The following WASF2 variants were observed in gnomAD, a reference collection of about 807,000 sequenced individuals.
WASF2 encodes the protein WASP family member 2.
In WASF2, 14 loss-of-function variants were observed where a neutral mutation model predicts 45.0. The ratio of observed to expected loss-of-function variants is 0.31; its 90% CI spans 0.21 to 0.49. The LOEUF (loss-of-function observed/expected upper bound fraction) is 0.49, where lower values mean the gene tolerates loss of function less well. Ranked by LOEUF, WASF2 falls within the 20% of genes least tolerant of loss-of-function variation. The pLI is 0.99. For missense variants in WASF2, 439 were observed against 636.1 expected (o/e 0.69, Z 3.33); for synonymous variants, 200 against 236.3 (o/e 0.85, Z 1.41).
At chr1:27,408,443 G>A in intron 8 of WASF2, 97 bp from the exon 9 acceptor site, 1 of 1,489,082 alleles carries the variant, frequency 6.7e-7, no homozygotes, top group South Asian at 1.3e-5. Context: ...ATGGGTAAGT[G>A]GTATTGGAAA....
At chr1:27,425,027 A>AGAGC (rs1373063526) in intron 2 of WASF2, among the ~76,000 whole-genome samples, 1 of 152,194 alleles carries the variant, frequency 6.6e-6, no homozygotes, top group Non-Finnish European at 1.5e-5. Context: ...GACATATGAG[A>AGAGC]GAGCATGGTC....
intron 2 of WASF2, among the ~76,000 whole-genome samples, chr1:27,420,661 A>G (rs1360331169): frequency 1.3e-5 from 2 of 151,604 alleles, no homozygotes; most frequent in Admixed American, 6.6e-5. Flanking sequence ...AGCTGGGATT[A>G]CAGGTGCCTG....
At chr1:27,458,245 G>A (rs1055506364) in intron 1 of WASF2, among the ~76,000 whole-genome samples, 1 of 149,520 alleles carries the variant, frequency 6.7e-6, no homozygotes, top group African/African-American at 2.5e-5. Flanking sequence ...CTCGGGCGGC[G>A]GAGGTTGCAA....
rs190162094 is a variant in WASF2, at chr1:27,453,930, C to T, written c.-43-24997G>A. Among the ~76,000 whole-genome samples the T allele has an allele frequency of 2.9e-3, 433 of 151,844 alleles. 4 individuals carry two copies. Among genetic ancestry groups the T allele is most frequent in the African/African-American group, 1.0e-2 (413 of 41,460 alleles). On this transcript the variant is annotated intron_variant, in intron 1 of 8. Transcript: ENST00000618852. ...ATATTACTATTAGCCTTAAAGCCCCCTGCATACTCTCCCAAAGCCATCTCC... is the reference window on the plus strand; with the variant it reads ...ATATTACTATTAGCCTTAAAGCCCCTTGCATACTCTCCCAAAGCCATCTCC...
chr1:27,446,888 C>T (rs1055248716), intron 1 of WASF2, among the ~76,000 whole-genome samples: 3 of 152,098 alleles, frequency 2.0e-5, no homozygotes, highest in African/African-American at 7.2e-5. Flanking sequence ...TGGGACCACC[C>T]GTGAGCATTC....
At chr1:27,448,095 C>T (rs907657378) in intron 1 of WASF2, among the ~76,000 whole-genome samples, 2 of 152,252 alleles carry the variant, frequency 1.3e-5, no homozygotes, top group Admixed American at 1.3e-4. Flanking sequence ...GGCTCTCCCT[C>T]TGACCTCTTG....
chr1:27,405,944 AG>A lies in WASF2; in HGVS notation c.*2244del. 6.6e-6 allele frequency: 1 copy of A among 152,490 alleles called. No individual in the cohort carries two copies. The highest frequency in any genetic ancestry group is 2.1e-4 in the South Asian group (1 of 4,812). The allele number at this position is 152,490 out of a possible 1,614,324, so 9.4% of individuals were successfully genotyped here. On this transcript the variant is annotated 3_prime_UTR_variant, in exon 9 of 9. Transcript: ENST00000618852. The stretch of plus-strand genomic sequence containing the variant: ...CCCCAGCCCTTTCCACGATGGACTC[AG>A]TCCATTCCAGAAGCCAGGCCAACAC...
At chr1:27,450,842 C>CAA (rs1027674905) in intron 1 of WASF2, among the ~76,000 whole-genome samples, 1 of 151,946 alleles carries the variant, frequency 6.6e-6, no homozygotes, top group African/African-American at 2.4e-5. Context: ...TCCTCCCTTC[C>CAA]CTCCCTTCTT....
intron 1 of WASF2, among the ~76,000 whole-genome samples, chr1:27,475,732 A>T (rs999129621): frequency 6.6e-6 from 1 of 152,066 alleles, no homozygotes; most frequent in African/African-American, 2.4e-5. Flanking sequence ...GGTTCAAGTG[A>T]TCCTCCCACT....
At chr1:27,424,530 A>ATTTT (rs55717236) in intron 2 of WASF2, among the ~76,000 whole-genome samples, 1 of 149,718 alleles carries the variant, frequency 6.7e-6, no homozygotes. Flanking sequence ...ACCTTCAACA[A>ATTTT]TTTTTTTTTT....
intron 1 of WASF2, among the ~76,000 whole-genome samples, chr1:27,440,328 A>C (rs1358612507): frequency 1.3e-5 from 2 of 152,210 alleles, no homozygotes; most frequent in Non-Finnish European, 2.9e-5. Context: ...TTTTTAGACC[A>C]GTCTAGGCAA....
chr1:27,408,314 C>T lies in WASF2; in HGVS notation c.1372G>A (p.Glu458Lys). 1 of 1,614,202 alleles carries T rather than the reference C, an allele frequency of 6.2e-7. No homozygotes were observed. The change falls in exon 9 of 9, where the codon GAA (glutamate) becomes AAA (lysine). Residue 458 changes from glutamate (E) to lysine (K), a missense_variant. Glu to Lys is a moderately conservative substitution (Grantham distance 56). Around this residue, in one of 5 missense-constraint regions of WASF2, gnomAD observed 286 missense variants for 373.5 expected, o/e 0.77. Coordinates refer to ENST00000618852, the MANE Select transcript of WASF2 (RefSeq NM_006990.5). ...FQLRRVEEQREQEKRDVVGND... is the reference protein window; with the variant it reads ...FQLRRVEEQRKQEKRDVVGND... ...CCCACAACATCCCGCTTCTCTTGTTCCCGCTGCTCCTCAACCCTGCGCAGC... is the reference window on the plus strand; with the variant it reads ...CCCACAACATCCCGCTTCTCTTGTTTCCGCTGCTCCTCAACCCTGCGCAGC...
intron 1 of WASF2, among the ~76,000 whole-genome samples, chr1:27,461,591 C>G (rs2017545797): frequency 6.6e-6 from 1 of 151,460 alleles, no homozygotes; most frequent in Admixed American, 6.6e-5. Context: ...GCCTCCCGAG[C>G]AGCTGGGACT....
chr1:27,486,000 G>A (rs1450158190), intron 1 of WASF2, among the ~76,000 whole-genome samples: 20 of 152,086 alleles, frequency 1.3e-4, no homozygotes, highest in Admixed American at 8.5e-4. Flanking sequence ...TTGAGCCACC[G>A]CACCTGGCCT....
At position 27,404,619 on chromosome 1, in the gene WASF2, A is replaced by G. The variant is rs538234103; in HGVS notation, c.*3570T>C. 7 of 152,336 alleles carry G rather than the reference A, an allele frequency of 4.6e-5. No individual in the cohort carries two copies. Among genetic ancestry groups the G allele is most frequent in the African/African-American group, 1.7e-4 (7 of 41,570 alleles). The allele number at this position is 152,336 out of a possible 1,614,324, so 9.4% of individuals were successfully genotyped here. A position where few individuals can be genotyped will look rare whatever the true frequency, so the allele number is the denominator to read the frequency against. On this transcript the variant is annotated 3_prime_UTR_variant, in exon 9 of 9. Transcript: ENST00000618852. ...AACACACCCAAGAACCCACAGGAAT[A>G]TGTCCTTATAAATATGTTTGTATCA...
chr1:27,412,660 A>T lies in WASF2; in HGVS notation c.736T>A (p.Tyr246Asn). Residue 246 changes from tyrosine to asparagine, a missense_variant, in exon 7 of 9, where the codon TAT becomes AAT. Physicochemically the swap from Tyr to Asn is moderately radical, Grantham distance 143. Coordinates refer to ENST00000618852, the MANE Select transcript of WASF2 (RefSeq NM_006990.5). ...GCVENVDASS[Y>N]PPPPQSDSAS... ...GAGTCTGACTGTGGTGGTGGCGGAT[A>T]GCTACTTGCATCCACGTTTTCAACA... 6.2e-7 allele frequency: 1 copy of T among 1,614,244 alleles called. No individual in the cohort carries two copies. The highest frequency in any genetic ancestry group is 8.5e-7 in the Non-Finnish European group (1 of 1,180,054).
chr1:27,418,780 G>A (rs1217858375), intron 3 of WASF2, among the ~76,000 whole-genome samples, 174 bp downstream of exon 3: 1 of 152,076 alleles, frequency 6.6e-6, no homozygotes, highest in African/African-American at 2.4e-5. Flanking sequence ...ATGGGGGTGT[G>A]GTGGAGCTAA....
chr1:27,443,594 C>A (rs1316091168), intron 1 of WASF2, among the ~76,000 whole-genome samples: 1 of 151,804 alleles, frequency 6.6e-6, no homozygotes, highest in Non-Finnish European at 1.5e-5. Context: ...GCCCGGGCAA[C>A]AAGAGCAAAA....
intron 1 of WASF2, among the ~76,000 whole-genome samples, chr1:27,455,656 A>ATTTC (rs1234974492): frequency 6.6e-6 from 1 of 152,070 alleles, no homozygotes; most frequent in African/African-American, 2.4e-5. Flanking sequence ...TGTCTCTGTG[A>ATTTC]TTTCACTCAA....
Sources: gnomAD v4.1 joint callset for allele counts (sites outside exome capture counted in the v4.1 genomes callset) on GRCh38, gnomAD v4.1.1 for gene constraint, gnomAD v4.1.1 regional missense constraint, MANE v1.5 for transcripts, NCBI Gene and HGNC (gene_info 2026-07-23, HGNC 2026-07-21) for gene names.